The following BAZ2B variants were observed in gnomAD, a reference collection of about 807,000 sequenced individuals.
The protein encoded by BAZ2B is bromodomain adjacent to zinc finger domain 2B.
A neutral mutation model predicts 246.0 loss-of-function variants in BAZ2B; 91 were observed. That is an observed-to-expected ratio of 0.37 (90% CI 0.31 to 0.44). The LOEUF is 0.44. Among genes scored for constraint, BAZ2B ranks in the 20% least tolerant of loss-of-function variants. The pLI is 1.00. For missense variants in BAZ2B, 2,332 were observed against 2,533.7 expected, an observed-to-expected ratio of 0.92 and a Z score of 1.71; for synonymous variants, 855 against 860.0, an observed-to-expected ratio of 0.99 and a Z score of 0.10.
intron 27 of BAZ2B, among the ~76,000 whole-genome samples, chr2:159,370,378 CTTTTTTTTTTT>C (rs55760591): frequency 4.3e-5 from 4 of 92,258 alleles, no homozygotes; most frequent in African/African-American, 1.6e-4. Flanking sequence ...ACTGTACTAC[CTTTTTTTTTTT>C]TTTTTTTTTT....
At chr2:159,687,422 T>C in the BAZ2B span, among the ~76,000 whole-genome samples, 1 of 152,310 alleles carries the variant, frequency 6.6e-6, no homozygotes, top group Non-Finnish European at 1.5e-5. Context: ...GGGTGGAGAC[T>C]GTAGTCAATC....
At chr2:159,315,680 G>C (rs2062039984), downstream of BAZ2B, among the ~76,000 whole-genome samples, 1 of 152,146 alleles carries the variant, frequency 6.6e-6, no homozygotes, top group East Asian at 1.9e-4. Context: ...GCCATATTAG[G>C]TTGGTCACAA....
chr2:159,447,198 A>T (rs1377033181), intron 5 of BAZ2B, among the ~76,000 whole-genome samples: 1 of 152,182 alleles, frequency 6.6e-6, no homozygotes, highest in Non-Finnish European at 1.5e-5. Flanking sequence ...AGAGAGGGGA[A>T]TGGGAGGCAA....
In BAZ2B at chr2:159,432,962, T is replaced by C; in HGVS notation, c.1695A>G (p.Glu565=). The C allele has an allele frequency of 1.2e-6, 2 of 1,614,128 alleles. No homozygotes were observed. Among genetic ancestry groups the C allele is most frequent in the Non-Finnish European group, 1.7e-6 (2 of 1,180,016 alleles). Reference sequence around the variant, plus strand: ...GGTTTACATTATTGCTAACTGCTTTTTCCTTCCCTTGACTATGCAGGATGG... The same window carrying C: ...GGTTTACATTATTGCTAACTGCTTTCTCCTTCCCTTGACTATGCAGGATGG... ...ASPILHSQGK[E]KAVSNNVNPV... The change falls in exon 9 of 37, where the codon GAA becomes GAG. Residue 565 remains glutamate, a synonymous_variant. Transcript: ENST00000392783.
At chr2:159,601,489 G>A (rs1027608065) in intron 1 of BAZ2B, among the ~76,000 whole-genome samples, 6 of 151,624 alleles carry the variant, frequency 4.0e-5, no homozygotes, top group African/African-American at 7.3e-5. Flanking sequence ...TCGGGAGGCC[G>A]AGGCAGGTGG....
chr2:159,604,856 T>G (rs1264691849), intron 1 of BAZ2B, among the ~76,000 whole-genome samples: 2 of 152,116 alleles, frequency 1.3e-5, no homozygotes, highest in African/African-American at 4.8e-5. Context: ...ATAAAAAGTT[T>G]GGTGAGGAGG....
chr2:159,689,090 G>T, the BAZ2B span: 1 of 249,370 alleles, frequency 4.0e-6, no homozygotes, highest in Non-Finnish European at 7.7e-6. Flanking sequence ...ATCCATTAAT[G>T]ATTTTTGCCT....
intron 1 of BAZ2B, among the ~76,000 whole-genome samples, chr2:159,589,000 T>C (rs901853594): frequency 1.3e-5 from 2 of 152,212 alleles, no homozygotes; most frequent in Admixed American, 6.5e-5. Context: ...AAAGTCTACA[T>C]GCAGATGCCA....
upstream of BAZ2B, among the ~76,000 whole-genome samples, chr2:159,620,908 G>C (rs1315078771): frequency 2.0e-5 from 3 of 152,172 alleles, no homozygotes; most frequent in African/African-American, 7.2e-5. Context: ...TAACTGTATA[G>C]GCAGTGCAAA....
intron 1 of BAZ2B, among the ~76,000 whole-genome samples, chr2:159,610,367 C>A (rs114420076): frequency 6.6e-6 from 1 of 152,160 alleles, no homozygotes; most frequent in African/African-American, 2.4e-5. Flanking sequence ...TTATTTATGT[C>A]CTAGCGAGTT....
intron 1 of BAZ2B, among the ~76,000 whole-genome samples, chr2:159,556,507 C>T (rs554048076): frequency 6.6e-6 from 1 of 152,060 alleles, no homozygotes; most frequent in East Asian, 1.9e-4. Context: ...CTCACCCAGG[C>T]TGGAGTGCAG....
At chr2:159,412,138 G>A in intron 14 of BAZ2B, 197 bp downstream of exon 14, 1 of 344,024 alleles carries the variant, frequency 2.9e-6, no homozygotes, top group Non-Finnish European at 4.1e-6. Context: ...GTGTTTATGA[G>A]TAATGGTTCT....
In BAZ2B at chr2:159,349,190, G is replaced by C; in HGVS notation, c.4954C>G (p.Pro1652Ala). 1 of 1,614,008 alleles carries C rather than the reference G, an allele frequency of 6.2e-7. No homozygotes were observed. The highest frequency in any genetic ancestry group is 8.5e-7 in the Non-Finnish European group (1 of 1,179,942). ...TSNIPFTSSV[P>A]SLGSGLGLSE... is the part of the protein sequence containing the mutation. The stretch of plus-strand genomic sequence containing the variant: ...AACCCTAACCCCGATCCTAGACTAG[G>C]TACAGATGATGTAAATGGAATATTA... Residue 1652 changes from proline to alanine, a missense_variant, in exon 29 of 37, where the codon CCT becomes GCT. Pro to Ala is a conservative substitution (Grantham distance 27, BLOSUM62 -1). Coordinates refer to ENST00000392783, the MANE Select transcript of BAZ2B (RefSeq NM_013450.4).
chr2:159,325,078 T>C (rs1482619605), intron 35 of BAZ2B, 124 bp from the exon 36 acceptor site: 1 of 1,658 alleles, frequency 6.0e-4, no homozygotes, highest in Admixed American at 9.3e-3. Flanking sequence ...ATATATATAT[T>C]ATATATATAT....
intron 2 of BAZ2B, among the ~76,000 whole-genome samples, chr2:159,543,617 C>A (rs2086925835): frequency 6.7e-6 from 1 of 149,868 alleles, no homozygotes; most frequent in South Asian, 2.1e-4. Flanking sequence ...CTCATTGCAA[C>A]CTCTGCCTCC....
chr2:159,613,472 AAAAAAG>A (rs1181242591), intron 1 of BAZ2B, among the ~76,000 whole-genome samples: 1 of 107,282 alleles, frequency 9.3e-6, no homozygotes, highest in African/African-American at 4.2e-5. Context: ...AAAAAAAAAA[AAAAAAG>A]ACTCTTCATC....
At chr2:159,368,867 A>T (rs1270527112) in intron 27 of BAZ2B, among the ~76,000 whole-genome samples, 1 of 21,982 alleles carries the variant, frequency 4.5e-5, no homozygotes. Context: ...CTAAAAAAAA[A>T]AAAAAAAAAA....
intron 31 of BAZ2B, among the ~76,000 whole-genome samples, chr2:159,338,464 G>C (rs1234464792): frequency 2.0e-5 from 3 of 152,108 alleles, no homozygotes; most frequent in Non-Finnish European, 4.4e-5. Context: ...TGAGAGCAGG[G>C]ACTATGTCTG....
Position 159,499,261 on chromosome 2 carries a change from G to A in BAZ2B, c.-2-20540C>T, listed in dbSNP as rs191669114. 1.4e-4 allele frequency among the ~76,000 whole-genome samples: 21 copies of A among 152,236 alleles called. No individual in the cohort carries two copies. The East Asian group carries it at 2.7e-3, about 20-fold the overall frequency. The stretch of plus-strand genomic sequence containing the variant: ...TCTCATTATTCAGTTCCACTTACAC[G>A]TGAAAACATGCCATGTTTGATTTTC... On this transcript the variant is annotated intron_variant, in intron 2 of 36. Transcript: ENST00000392783.
Sources: gnomAD v4.1 joint callset for allele counts (sites outside exome capture counted in the v4.1 genomes callset) on GRCh38, gnomAD v4.1.1 for gene constraint, MANE v1.5 for transcripts, NCBI Gene and HGNC (gene_info 2026-07-23, HGNC 2026-07-21) for gene names.